Variants in RSPO2 observed in about 807,000 individuals in gnomAD.
RSPO2 encodes R-spondin-2.
In RSPO2, 14 loss-of-function variants were observed where a neutral mutation model predicts 30.9. That is an observed-to-expected ratio of 0.45 (90% confidence interval 0.30 to 0.71). The LOEUF is 0.71. Among genes scored for constraint, RSPO2 ranks in the 30% least tolerant of loss-of-function variants. The probability of loss-of-function intolerance (pLI) is 0.08; values close to 1 mark genes in which losing one functional copy is unlikely to be tolerated. For missense variants in RSPO2, 264 were observed against 301.9 expected, an observed-to-expected ratio of 0.87 and a Z score of 0.93; for synonymous variants, 107 against 96.4, an observed-to-expected ratio of 1.11 and a Z score of -0.64.
At chr8:107,948,019 T>C (rs1813120650) in intron 5 of RSPO2, among the ~76,000 whole-genome samples, 1 of 152,246 alleles carries the variant, frequency 6.6e-6, no homozygotes, top group Non-Finnish European at 1.5e-5. Context: ...ATATAAGTTA[T>C]CCTCTTCAGG....
intron 2 of RSPO2, among the ~76,000 whole-genome samples, chr8:108,080,769 G>C (rs1813169174): frequency 6.6e-6 from 1 of 152,186 alleles, no homozygotes; most frequent in Non-Finnish European, 1.5e-5. Context: ...ATCTAATAAG[G>C]ATCTGGCAAA....
At chr8:108,059,700 T>C (rs1812385285) in intron 2 of RSPO2, among the ~76,000 whole-genome samples, 1 of 148,356 alleles carries the variant, frequency 6.7e-6, no homozygotes, top group South Asian at 2.1e-4. Context: ...ATGTCCTTTG[T>C]AGGGACATGG....
chr8:107,948,654 T>TC (rs999612429), intron 5 of RSPO2, among the ~76,000 whole-genome samples: 1 of 152,042 alleles, frequency 6.6e-6, no homozygotes, highest in Non-Finnish European at 1.5e-5. Flanking sequence ...GGTCAGGAGA[T>TC]CAAGACCATC....
intron 5 of RSPO2, among the ~76,000 whole-genome samples, chr8:107,937,277 A>C (rs1812750978): frequency 6.6e-6 from 1 of 151,498 alleles, no homozygotes; most frequent in Admixed American, 6.6e-5. Context: ...TGTTGTTAGC[A>C]CTTGTACTGA....
At chr8:107,942,431 T>C (rs1197300037) in intron 5 of RSPO2, among the ~76,000 whole-genome samples, 1 of 152,206 alleles carries the variant, frequency 6.6e-6, no homozygotes, top group African/African-American at 2.4e-5. Flanking sequence ...ATATAAAATT[T>C]CAGCAAGCTT....
At chr8:108,026,898 A>G (rs1445784388) in intron 2 of RSPO2, among the ~76,000 whole-genome samples, 3 of 152,156 alleles carry the variant, frequency 2.0e-5, no homozygotes, top group Admixed American at 1.3e-4. Flanking sequence ...AGGAATCTGG[A>G]TAAATGGCAT....
chr8:108,017,219 G>A lies in RSPO2; in HGVS notation c.95-27975C>T, dbSNP rs745337360. ...TTTTTAGTAGAGACGGGGTTTCACC[G>A]TGTTAGCCAAGATGGTCTCGATCTC... On this transcript the variant is annotated intron_variant, in intron 2 of 5. Transcript: ENST00000276659. Among the ~76,000 whole-genome samples, 7 of 151,966 alleles carry A rather than the reference G, an allele frequency of 4.6e-5. No homozygotes were observed. In the East Asian group the frequency reaches 5.8e-4, roughly 13 times the overall value.
rs1328066994 is a variant in RSPO2, at chr8:107,930,021, G to T, written c.616+28059C>A. 6.6e-5 allele frequency among the ~76,000 whole-genome samples: 10 copies of T among 152,240 alleles called. No individual in the cohort carries two copies. The East Asian group carries it at 1.7e-3, about 26-fold the overall frequency. On this transcript the variant is annotated intron_variant, in intron 5 of 5. Transcript: ENST00000276659. ...CCTTGGTTTAAGAACCACTTCTCTAGATCAGTACCATTAAGATCATTTTAT... is the reference window on the plus strand; with the variant it reads ...CCTTGGTTTAAGAACCACTTCTCTATATCAGTACCATTAAGATCATTTTAT...
intron 3 of RSPO2, among the ~76,000 whole-genome samples, chr8:107,974,576 AT>A (rs1468019299): frequency 6.6e-6 from 1 of 152,158 alleles, no homozygotes; most frequent in Admixed American, 6.5e-5. Flanking sequence ...CAATATCAGT[AT>A]TCTTAGATGT....
intron 2 of RSPO2, among the ~76,000 whole-genome samples, chr8:108,028,082 T>A (rs1245941442): frequency 6.6e-6 from 1 of 152,162 alleles, no homozygotes; most frequent in East Asian, 1.9e-4. Context: ...AGACCAACCA[T>A]CTGTTTCACC....
At chr8:108,076,636 A>G (rs1813021409) in intron 2 of RSPO2, among the ~76,000 whole-genome samples, 1 of 152,188 alleles carries the variant, frequency 6.6e-6, no homozygotes, top group African/African-American at 2.4e-5. Flanking sequence ...ATATAAGCAG[A>G]GGAACACATT....
chr8:108,059,499 T>G (rs1392926975), intron 2 of RSPO2, among the ~76,000 whole-genome samples: 10 of 151,548 alleles, frequency 6.6e-5, no homozygotes, highest in East Asian at 5.8e-4. Flanking sequence ...ATCCCATTAC[T>G]GGGTATATAC....
intron 3 of RSPO2, among the ~76,000 whole-genome samples, chr8:107,984,620 G>A (rs1018768431): frequency 2.6e-5 from 4 of 152,082 alleles, no homozygotes; most frequent in East Asian, 1.9e-4. Flanking sequence ...ATCAGGGTGC[G>A]TTTCAAGTTC....
At chr8:107,921,114 A>C (rs2130308121) in intron 5 of RSPO2, among the ~76,000 whole-genome samples, 1 of 152,250 alleles carries the variant, frequency 6.6e-6, no homozygotes, top group South Asian at 2.1e-4. Flanking sequence ...GAGGTTAAAC[A>C]CTGAAGGAAT....
In RSPO2 at chr8:107,900,920, G is replaced by A. The variant is rs538210484; in HGVS notation, c.*155C>T. The A allele has an allele frequency of 8.3e-6, 6 of 722,500 alleles. No individual in the cohort carries two copies. The South Asian group carries it at 1.1e-4, about 13-fold the overall frequency. The allele number at this position is 722,500 out of a possible 1,614,324, so 44.8% of individuals were successfully genotyped here. On this transcript the variant is annotated 3_prime_UTR_variant, in exon 6 of 6. Coordinates refer to ENST00000276659, the MANE Select transcript of RSPO2 (RefSeq NM_178565.5). The stretch of plus-strand genomic sequence containing the variant: ...TCAAATCAAAGCATAAATAACACAG[G>A]GGCCATGCTGGTGGTGCTTCCTTTC...
chr8:107,958,252 A>G lies in RSPO2; in HGVS notation c.444T>C (p.Gly148=). The change falls in exon 5 of 6, where the codon GGT becomes GGC. Residue 148 remains glycine (G), a synonymous_variant. Transcript: ENST00000276659. ...TACAAGTTCCCCATTCGCTCCAATG[A>G]CCAACTTCACATCCTTCTAGTAAAG... is the stretch of plus-strand genomic sequence containing the variant. ...TMECVEGCEV[G]HWSEWGTCSR... 1 of 1,613,234 alleles carries G rather than the reference A, an allele frequency of 6.2e-7. No individual in the cohort carries two copies. The highest frequency in any genetic ancestry group is 1.3e-5 in the African/African-American group (1 of 75,000).
intron 2 of RSPO2, among the ~76,000 whole-genome samples, chr8:108,002,644 TTAAAAACAATAAA>T (rs375633937): frequency 6.6e-5 from 10 of 152,270 alleles, no homozygotes; most frequent in African/African-American, 2.4e-4. Flanking sequence ...TGTCTTAATA[TTAAAAACAATAAA>T]TGGAAACAAA....
At chr8:107,981,457 G>A (rs1050112956) in intron 3 of RSPO2, among the ~76,000 whole-genome samples, 1 of 152,026 alleles carries the variant, frequency 6.6e-6, no homozygotes, top group Non-Finnish European at 1.5e-5. Flanking sequence ...GGAAGCGGAG[G>A]TTACAGTGAG....
Position 107,942,372 on chromosome 8 carries a change from T to A in RSPO2, c.616+15708A>T, listed in dbSNP as rs186266808. Among the ~76,000 whole-genome samples the A allele has an allele frequency of 3.5e-4, 53 of 152,304 alleles. 1 individual carries two copies. The highest frequency in any genetic ancestry group is 3.2e-3 in the Admixed American group (49 of 15,290). ...GATCTAATGCCCACGCCTCTTGAAA[T>A]TGTCACAATGATCTCCTAAGAGATA... On this transcript the variant is annotated intron_variant, in intron 5 of 5. Coordinates refer to ENST00000276659, the MANE Select transcript of RSPO2 (RefSeq NM_178565.5).
Sources: gnomAD v4.1 joint callset for allele counts (sites outside exome capture counted in the v4.1 genomes callset) on GRCh38, gnomAD v4.1.1 for gene constraint, MANE v1.5 for transcripts, NCBI Gene and HGNC (gene_info 2026-07-23, HGNC 2026-07-21) for gene names.